Variants in PTH2R observed in about 807,000 individuals in gnomAD.
The protein encoded by PTH2R is PTH2 receptor.
PTH2R carries 59 observed loss-of-function variants against 60.3 expected under a neutral mutation model. The ratio of observed to expected loss-of-function variants is 0.98; its 90% CI spans 0.79 to 1.22. PTH2R has a LOEUF of 1.22. PTH2R is among the 50% of genes most tolerant of loss of function. PTH2R has a pLI of 0.00. For synonymous variants in PTH2R, 256 were observed against 243.8 expected (o/e 1.05, Z -0.47); for missense variants, 749 against 682.6 (o/e 1.10, Z -1.08).
chr2:208,378,238 C>T (rs1483576076), intron 1 of PTH2R, among the ~76,000 whole-genome samples: 5 of 150,176 alleles, frequency 3.3e-5, no homozygotes, highest in South Asian at 4.3e-4. Context: ...TCAGGCGTGG[C>T]GGCGCGCACC....
At chr2:208,371,781 C>T (rs1018669786) in intron 1 of PTH2R, among the ~76,000 whole-genome samples, 8 of 152,054 alleles carry the variant, frequency 5.3e-5, no homozygotes, top group African/African-American at 1.7e-4. Flanking sequence ...AGTTTTTTGC[C>T]ACTCACTGTG....
rs1485803765 is a variant in PTH2R at position 208,426,612 on chromosome 2, G to A, written c.76-1589G>A. 2.6e-5 allele frequency among the ~76,000 whole-genome samples: 4 copies of A among 152,120 alleles called. No individual in the cohort carries two copies. The South Asian group carries it at 6.2e-4, about 24-fold the overall frequency. On this transcript the variant is annotated intron_variant, in intron 1 of 12. Coordinates refer to ENST00000272847, the MANE Select transcript of PTH2R (RefSeq NM_005048.4). ...GGGGAGGTAATGAGATCATGGGGGC[G>A]GTTTCCCCCATGCTGTTCTGATAGT...
Position 208,489,116 on chromosome 2 carries a change from G to C in PTH2R, c.1181G>C (p.Arg394Pro), listed in dbSNP as rs553009188. ...TTCACTGGGCTCGGGTGGGAGATCC[G>C]CATGCACTGTGAGCTCTTCTTCAAC... ...HSFTGLGWEI[R>P]MHCELFFNSF... The change falls in exon 11 of 13, where the codon CGC (arginine) becomes CCC (proline). Residue 394 changes from arginine (R) to proline (P), a missense_variant. Arg to Pro is a moderately radical substitution (Grantham distance 103). Transcript: ENST00000272847. 8 of 1,614,140 alleles carry C rather than the reference G, an allele frequency of 5.0e-6. No individual in the cohort carries two copies. The African/African-American group carries it at 6.7e-5, about 13-fold the overall frequency.
chr2:208,430,864 C>T (rs1701957734), intron 2 of PTH2R, among the ~76,000 whole-genome samples: 1 of 152,040 alleles, frequency 6.6e-6, no homozygotes, highest in Non-Finnish European at 1.5e-5. Flanking sequence ...CATGCCCGGC[C>T]TCTGTCTGGC....
At chr2:208,418,559 A>G (rs1342965124) in intron 1 of PTH2R, among the ~76,000 whole-genome samples, 1 of 152,154 alleles carries the variant, frequency 6.6e-6, no homozygotes, top group Non-Finnish European at 1.5e-5. Flanking sequence ...TTAATAAAAT[A>G]AGCATAAAAG....
intron 8 of PTH2R, among the ~76,000 whole-genome samples, chr2:208,453,046 CT>C (rs1204204738): frequency 6.6e-6 from 1 of 152,176 alleles, no homozygotes; most frequent in East Asian, 1.9e-4. Flanking sequence ...TTTAACACAT[CT>C]GGTAATCAAG....
Position 208,493,451 on chromosome 2 carries a change from C to A in PTH2R, c.1445C>A (p.Ala482Asp). Residue 482 changes from alanine to aspartate, a missense_variant, in exon 13 of 13, where the codon GCC becomes GAC. Ala to Asp is a moderately radical substitution (Grantham distance 126, BLOSUM62 -2). Transcript: ENST00000272847. Reference protein sequence around the residue: ...VLISGKAAKIASRQPDSHITL... With the variant: ...VLISGKAAKIDSRQPDSHITL... ...ATCTCTGGCAAAGCTGCCAAGATCG[C>A]CAGCAGACAGCCTGACAGCCACATC... 3 of 1,610,326 alleles carry A rather than the reference C, an allele frequency of 1.9e-6. No homozygotes were observed. The highest frequency in any genetic ancestry group is 2.5e-6 in the Non-Finnish European group (3 of 1,177,874).
At chr2:208,471,075 C>G (rs547305111) in intron 9 of PTH2R, among the ~76,000 whole-genome samples, 1 of 152,138 alleles carries the variant, frequency 6.6e-6, no homozygotes, top group South Asian at 2.1e-4. Context: ...GAAGAAATTT[C>G]TAAGCAGCAA....
At chr2:208,445,506 A>G (rs1702271173) in intron 7 of PTH2R, among the ~76,000 whole-genome samples, 1 of 152,338 alleles carries the variant, frequency 6.6e-6, no homozygotes, top group East Asian at 1.9e-4. Context: ...TCAACATGAC[A>G]TGGAGAAAAG....
intron 1 of PTH2R, among the ~76,000 whole-genome samples, chr2:208,396,511 T>G (rs146896944): frequency 0.019 from 2,897 of 152,294 alleles, 44 homozygotes; most frequent in Admixed American, 0.034. Context: ...GAACAGACAC[T>G]TCTCAAAATA....
At chr2:208,393,049 G>A (rs1209712120) in intron 1 of PTH2R, among the ~76,000 whole-genome samples, 1 of 152,206 alleles carries the variant, frequency 6.6e-6, no homozygotes, top group African/African-American at 2.4e-5. Context: ...ACACCTAGTG[G>A]ATGCACCTTG....
At chr2:208,393,697 G>C (rs1242499823) in intron 1 of PTH2R, among the ~76,000 whole-genome samples, 1 of 152,202 alleles carries the variant, frequency 6.6e-6, no homozygotes, top group African/African-American at 2.4e-5. Flanking sequence ...ATCCCTCCGT[G>C]TGAGATCAAA....
At chr2:208,376,483 A>G (rs143076485) in intron 1 of PTH2R, among the ~76,000 whole-genome samples, 120 of 152,216 alleles carry the variant, frequency 7.9e-4, no homozygotes, top group African/African-American at 2.8e-3. Flanking sequence ...TTTTTGTAAA[A>G]CTAGTCCTTT....
At chr2:208,483,081 G>C (rs7603073) in intron 10 of PTH2R, among the ~76,000 whole-genome samples, 6 of 152,168 alleles carry the variant, frequency 3.9e-5, no homozygotes, top group Admixed American at 2.0e-4. Flanking sequence ...TTCAGGGGGG[G>C]TCCCTGCAGG....
At chr2:208,470,584 C>G (rs1020621254) in intron 9 of PTH2R, among the ~76,000 whole-genome samples, 2 of 151,534 alleles carry the variant, frequency 1.3e-5, no homozygotes, top group South Asian at 2.1e-4. Context: ...GAGAAGTGCC[C>G]TTTCATCTTC....
At position 208,493,600 on chromosome 2, in the gene PTH2R, C is replaced by T. The variant is rs148187865; in HGVS notation, c.1594C>T (p.Pro532Ser). The T allele has an allele frequency of 3.1e-6, 5 of 1,602,538 alleles. No individual in the cohort carries two copies. Among genetic ancestry groups the T allele is most frequent in the Non-Finnish European group, 4.3e-6 (5 of 1,173,392 alleles). The change falls in exon 13 of 13, where the codon CCT (proline) becomes TCT (serine). Residue 532 changes from proline (P) to serine (S), a missense_variant. Pro to Ser is a moderately conservative substitution (Grantham distance 74). Coordinates refer to ENST00000272847, the MANE Select transcript of PTH2R (RefSeq NM_005048.4). ...TATTCTAATGGAGAAGCCTTCCAGG[C>T]CTATGGAATCTAACCCAGACACTGA... ...DDILMEKPSR[P>S]MESNPDTEGC...
Position 208,437,843 on chromosome 2 carries a change from T to A in PTH2R, c.373T>A (p.Cys125Ser), listed in dbSNP as rs775369232. ...TAAAACATGGGCCAATTATTCAGAC[T>A]GCCTTCGCTTTCTGCAGCCAGATAT... ...LNKTWANYSDCLRFLQPDISI... is the reference protein window; with the variant it reads ...LNKTWANYSDSLRFLQPDISI... Residue 125 changes from cysteine to serine, a missense_variant, in exon 4 of 13, where the codon TGC becomes AGC. Physicochemically the swap from Cys to Ser is moderately radical, Grantham distance 112. Coordinates refer to ENST00000272847, the MANE Select transcript of PTH2R (RefSeq NM_005048.4). 3 of 1,613,884 alleles carry A rather than the reference T, an allele frequency of 1.9e-6. No individual in the cohort carries two copies. The highest frequency in any genetic ancestry group is 2.2e-5 in the South Asian group (2 of 91,074).
intron 2 of PTH2R, among the ~76,000 whole-genome samples, chr2:208,434,040 G>C (rs61492957): frequency 6.6e-6 from 1 of 152,148 alleles, no homozygotes; most frequent in African/African-American, 2.4e-5. Context: ...TTGGCCAGGC[G>C]CAGTGGCTCG....
intron 8 of PTH2R, among the ~76,000 whole-genome samples, chr2:208,452,584 GC>G (rs1430039457): frequency 6.6e-6 from 1 of 152,102 alleles, no homozygotes; most frequent in Non-Finnish European, 1.5e-5. Context: ...AGGGGTGGAG[GC>G]CTTATAGACC....
Sources: gnomAD v4.1 joint callset for allele counts (sites outside exome capture counted in the v4.1 genomes callset) on GRCh38, gnomAD v4.1.1 for gene constraint, MANE v1.5 for transcripts, NCBI Gene and HGNC (gene_info 2026-07-23, HGNC 2026-07-21) for gene names.